Variants in ZNF638 observed in about 807,000 individuals in gnomAD.
The protein encoded by ZNF638 is CTCL tumor antigen se33-1.
A neutral mutation model predicts 195.6 loss-of-function variants in ZNF638; 46 were observed. The observed-to-expected ratio is 0.24, with a 90% CI of 0.19 to 0.30. The LOEUF (loss-of-function observed/expected upper bound fraction) is 0.30. Among genes scored for constraint, ZNF638 ranks in the 10% least tolerant of loss-of-function variants. The pLI is 1.00. For missense variants in ZNF638, 2,440 were observed against 2,325.3 expected (o/e 1.05, Z -1.01); for synonymous variants, 845 against 772.0 (o/e 1.09, Z -1.57).
rs1173024933 is a variant in ZNF638 at position 71,423,013 on chromosome 2, C to A, written c.3499C>A (p.Leu1167Ile). 6 of 1,614,094 alleles carry A rather than the reference C, an allele frequency of 3.7e-6. No individual in the cohort carries two copies. The highest frequency in any genetic ancestry group is 1.7e-5 in the Admixed American group (1 of 60,026). ...TGACTTTGCTGTTGAAACTTTGGAG[C>A]TTGAAACTCAAGGAGAGGAGGTCAA... ...DSDFAVETLE[L>I]ETQGEEVKEE... The change falls in exon 22 of 28, where the codon CTT becomes ATT. Residue 1167 changes from leucine (L) to isoleucine (I), a missense_variant. Around this residue, in one of 5 missense-constraint regions of ZNF638, gnomAD observed 1,883 missense variants for 1,739.1 expected, o/e 1.08. Transcript: ENST00000264447.
intron 1 of ZNF638, among the ~76,000 whole-genome samples, chr2:71,336,696 G>C (rs1244209347): frequency 6.6e-6 from 1 of 152,008 alleles, no homozygotes; most frequent in Non-Finnish European, 1.5e-5. Flanking sequence ...AGCTTGCTCC[G>C]GGTAACATTG....
Position 71,431,288 on chromosome 2 carries a change from A to G in ZNF638, c.5651-39A>G, listed in dbSNP as rs747383076. ...AATGTTAACTTTACAAAGTCTGTAA[A>G]TCTATTCTGAATAGCTTTTTTTCCT... On this transcript the variant is annotated intron_variant, in intron 25 of 27. Coordinates refer to ENST00000264447, the MANE Select transcript of ZNF638 (RefSeq NM_014497.5). The G allele has an allele frequency of 7.0e-5, 108 of 1,547,778 alleles. 1 individual carries two copies. Among genetic ancestry groups the G allele is most frequent in the Middle Eastern group, 1.7e-4 (1 of 5,914 alleles).
intron 3 of ZNF638, among the ~76,000 whole-genome samples, chr2:71,357,971 C>G (rs1243432015): frequency 1.3e-5 from 2 of 152,042 alleles, no homozygotes; most frequent in Non-Finnish European, 2.9e-5. Flanking sequence ...GAATAAATTT[C>G]TATTTAGAGT....
chr2:71,405,552 T>C (rs980511190), intron 17 of ZNF638, 49 bp from the exon 18 acceptor site: 2 of 1,158,178 alleles, frequency 1.7e-6, no homozygotes, highest in Non-Finnish European at 2.5e-6. Flanking sequence ...TAAGTATTTG[T>C]ATGAGAAAGA....
chr2:71,337,787 C>G (rs2078697073), intron 1 of ZNF638, among the ~76,000 whole-genome samples: 1 of 125,252 alleles, frequency 8.0e-6, no homozygotes, highest in Non-Finnish European at 1.9e-5. Flanking sequence ...TTTTTTTCCC[C>G]CTCCAGTACA....
chr2:71,348,389 T>C, intron 1 of ZNF638: 1 of 989,240 alleles, frequency 1.0e-6, no homozygotes, highest in Non-Finnish European at 1.2e-6. Context: ...TGTGTGCATT[T>C]ATAAGTATTT....
At chr2:71,420,250 A>G (rs1030448889) in intron 21 of ZNF638, among the ~76,000 whole-genome samples, 2 of 151,942 alleles carry the variant, frequency 1.3e-5, no homozygotes, top group Non-Finnish European at 2.9e-5. Context: ...TTGCCAATTC[A>G]TTATGAATAT....
rs1573113997 is a variant in ZNF638, at chr2:71,395,989, T to C, written c.2378-152T>C. 13 of 675,302 alleles carry C rather than the reference T, an allele frequency of 1.9e-5. No homozygotes were observed. In the South Asian group the frequency reaches 2.0e-4, roughly 11 times the overall value. The allele number at this position is 675,302 out of a possible 1,614,324, so 41.8% of individuals were successfully genotyped here. A position where few individuals can be genotyped will look rare whatever the true frequency, so the allele number is the denominator to read the frequency against. On this transcript the variant is annotated intron_variant, in intron 10 of 27. Transcript: ENST00000264447. ...ATACATCAAGTCCATATCTAAGAAT[T>C]TGCCCCCATAGTAATTCCATGGACA...
intron 1 of ZNF638, among the ~76,000 whole-genome samples, chr2:71,339,924 A>G (rs973145565): frequency 6.6e-6 from 1 of 152,216 alleles, no homozygotes; most frequent in African/African-American, 2.4e-5. Flanking sequence ...GTTGTGCTCT[A>G]GAGGCCTGTT....
intron 26 of ZNF638, among the ~76,000 whole-genome samples, chr2:71,432,346 G>A (rs1276717045): frequency 1.3e-5 from 2 of 152,090 alleles, no homozygotes; most frequent in Admixed American, 6.5e-5. Context: ...GACTACAGGC[G>A]TCTACCACCA....
Position 71,408,120 on chromosome 2 carries a change from A to C in ZNF638, c.3136-2A>C. ...TTCATAACTTTTTAATCTTCTCCAAAGGCAATTCTTCAGTTAGATAGTCCT... is the reference window on the plus strand; with the variant it reads ...TTCATAACTTTTTAATCTTCTCCAACGGCAATTCTTCAGTTAGATAGTCCT... On this transcript the variant is annotated splice_acceptor_variant, in intron 19 of 27. Coordinates refer to ENST00000264447, the MANE Select transcript of ZNF638 (RefSeq NM_014497.5). LOFTEE classifies it high-confidence loss of function. 6.2e-7 allele frequency: 1 copy of C among 1,602,790 alleles called. No homozygotes were observed.
At chr2:71,375,272 A>T (rs1287031033) in intron 8 of ZNF638, 1 of 152,174 alleles carries the variant, frequency 6.6e-6, no homozygotes, top group African/African-American at 2.4e-5. Flanking sequence ...TCACTAGTGG[A>T]TTGTTAACAA....
chr2:71,334,941 A>AT (rs2078639913), intron 1 of ZNF638, among the ~76,000 whole-genome samples: 1 of 151,790 alleles, frequency 6.6e-6, no homozygotes, highest in African/African-American at 2.4e-5. Context: ...AACAAAAAAA[A>AT]CTCCGGTGAG....
At chr2:71,347,032 GA>G (rs1043938079) in intron 1 of ZNF638, among the ~76,000 whole-genome samples, 8 of 144,574 alleles carry the variant, frequency 5.5e-5, no homozygotes, top group East Asian at 2.9e-4. Context: ...TTTAAAAAAA[GA>G]AAAAAAAAAG....
chr2:71,394,652 C>A (rs1021241743), intron 10 of ZNF638, among the ~76,000 whole-genome samples: 3 of 152,152 alleles, frequency 2.0e-5, no homozygotes, highest in Non-Finnish European at 4.4e-5. Flanking sequence ...TTGCTCTTGC[C>A]ACCTTAGAAC....
chr2:71,371,690 A>G (rs2104307851), intron 8 of ZNF638, among the ~76,000 whole-genome samples: 1 of 103,256 alleles, frequency 9.7e-6, no homozygotes. Context: ...TTTTTTTTTT[A>G]TCAGAGTATT....
intron 1 of ZNF638, among the ~76,000 whole-genome samples, chr2:71,345,840 T>C (rs2078842327): frequency 6.6e-6 from 1 of 152,188 alleles, no homozygotes; most frequent in South Asian, 2.1e-4. Flanking sequence ...TAATAGACAT[T>C]GTTCCCCTCT....
intron 20 of ZNF638, among the ~76,000 whole-genome samples, chr2:71,410,926 G>T (rs748264594): frequency 6.7e-6 from 1 of 149,488 alleles, no homozygotes; most frequent in African/African-American, 2.5e-5. Flanking sequence ...CTTGGTTTGG[G>T]ACTCATTTCC....
intron 10 of ZNF638, among the ~76,000 whole-genome samples, chr2:71,389,021 T>A (rs1230116321): frequency 2.6e-5 from 4 of 152,128 alleles, no homozygotes; most frequent in Non-Finnish European, 5.9e-5. Context: ...CAGTAACATC[T>A]TTAACCTTAT....
Sources: gnomAD v4.1 joint callset for allele counts (sites outside exome capture counted in the v4.1 genomes callset) on GRCh38, gnomAD v4.1.1 for gene constraint, gnomAD v4.1.1 regional missense constraint, MANE v1.5 for transcripts, NCBI Gene and HGNC (gene_info 2026-07-23, HGNC 2026-07-21) for gene names.